The following CNTN5 variants were observed in gnomAD, a reference collection of about 807,000 sequenced individuals.
CNTN5 encodes contactin 5.
In CNTN5, 77 loss-of-function variants were observed where a neutral mutation model predicts 129.1. That is an observed-to-expected ratio of 0.60 (90% CI 0.50 to 0.72). The LOEUF is 0.72. Ranked by LOEUF, CNTN5 falls within the 30% of genes least tolerant of loss-of-function variation. CNTN5 has a pLI of 0.00. For missense variants in CNTN5, 1,478 were observed against 1,328.8 expected, an observed-to-expected ratio of 1.11 and a Z score of -1.75; for synonymous variants, 509 against 465.6, an observed-to-expected ratio of 1.09 and a Z score of -1.20.
intron 1 of CNTN5, among the ~76,000 whole-genome samples, chr11:99,175,497 A>T (rs1857728846): frequency 6.6e-6 from 1 of 152,134 alleles, no homozygotes; most frequent in Non-Finnish European, 1.5e-5. Context: ...AGTGATGAAG[A>T]GATAGTTTTG....
At chr11:99,037,600 A>G (rs1591084923) in intron 1 of CNTN5, among the ~76,000 whole-genome samples, 1 of 83,602 alleles carries the variant, frequency 1.2e-5, no homozygotes, top group South Asian at 3.4e-4. Context: ...TTTTTTTTTA[A>G]CATGGAGTCT....
intron 3 of CNTN5, among the ~76,000 whole-genome samples, chr11:99,778,364 A>G (rs1325601331): frequency 1.3e-5 from 2 of 151,836 alleles, no homozygotes; most frequent in African/African-American, 2.4e-5. Context: ...AACCACAGTT[A>G]AACTGTTTTG....
chr11:100,286,170 G>A (rs1294341567), intron 18 of CNTN5, among the ~76,000 whole-genome samples: 1 of 152,086 alleles, frequency 6.6e-6, no homozygotes, highest in African/African-American at 2.4e-5. Context: ...GTGGCAGCCA[G>A]GCTGGGGGAG....
intron 3 of CNTN5, among the ~76,000 whole-genome samples, chr11:99,755,167 T>G (rs1257609936): frequency 1.3e-5 from 2 of 152,210 alleles, no homozygotes; most frequent in Admixed American, 6.5e-5. Context: ...GTGTTAATTA[T>G]GAATGAAACT....
At chr11:99,424,719 CAGA>C (rs1288881660) in intron 2 of CNTN5, among the ~76,000 whole-genome samples, 1 of 152,244 alleles carries the variant, frequency 6.6e-6, no homozygotes, top group African/African-American at 2.4e-5. Flanking sequence ...TCTGGGCTGC[CAGA>C]AGGACTGCAG....
intron 3 of CNTN5, among the ~76,000 whole-genome samples, chr11:99,567,859 G>A (rs1480805894): frequency 6.6e-6 from 1 of 152,018 alleles, no homozygotes; most frequent in Non-Finnish European, 1.5e-5. Context: ...CTTGTCAGTG[G>A]GCGGTGGGAA....
At chr11:99,309,456 C>A (rs1344317995) in intron 1 of CNTN5, among the ~76,000 whole-genome samples, 1 of 152,226 alleles carries the variant, frequency 6.6e-6, no homozygotes, top group East Asian at 1.9e-4. Flanking sequence ...TCCCTCCCAA[C>A]AACAAAAGAC....
intron 8 of CNTN5, among the ~76,000 whole-genome samples, chr11:99,967,581 A>G (rs1006130040): frequency 1.3e-5 from 2 of 152,182 alleles, no homozygotes; most frequent in Admixed American, 1.3e-4. Context: ...ACCAACTCCA[A>G]AAGGATTTAT....
At chr11:99,236,299 C>A (rs1156385605) in intron 1 of CNTN5, among the ~76,000 whole-genome samples, 1 of 152,060 alleles carries the variant, frequency 6.6e-6, no homozygotes, top group Non-Finnish European at 1.5e-5. Flanking sequence ...TGTTCCCTCT[C>A]TCTAGGAAGG....
At chr11:100,065,551 A>G (rs1943663726) in intron 10 of CNTN5, among the ~76,000 whole-genome samples, 1 of 152,046 alleles carries the variant, frequency 6.6e-6, no homozygotes, top group Admixed American at 6.6e-5. Flanking sequence ...TTCCCATTTG[A>G]CAGACAAGAA....
chr11:100,352,027 T>A (rs1952427595), intron 24 of CNTN5, among the ~76,000 whole-genome samples: 1 of 151,732 alleles, frequency 6.6e-6, no homozygotes, highest in Non-Finnish European at 1.5e-5. Context: ...TTTAACTTTT[T>A]AAGTTCAGGG....
intron 3 of CNTN5, among the ~76,000 whole-genome samples, chr11:99,787,101 GTTTT>G (rs1429867110): frequency 7.0e-6 from 1 of 143,602 alleles, no homozygotes; most frequent in Non-Finnish European, 1.5e-5. Flanking sequence ...TTTTTTTTTT[GTTTT>G]TTATTTATTT....
Position 99,143,102 on chromosome 11 carries a change from T to G in CNTN5, c.-210+121832T>G, listed in dbSNP as rs566315274. Among the ~76,000 whole-genome samples the G allele has an allele frequency of 8.5e-5, 13 of 152,124 alleles. No individual in the cohort carries two copies. The East Asian group carries it at 2.1e-3, about 25-fold the overall frequency. On this transcript the variant is annotated intron_variant, in intron 1 of 24. Transcript: ENST00000524871. The stretch of plus-strand genomic sequence containing the variant: ...TCAGTGAGAGTTCCTTCTGGTTGTG[T>G]CTACTTGGCCATATTGGCTATTTCT...
intron 9 of CNTN5, among the ~76,000 whole-genome samples, chr11:100,060,627 A>G (rs1943425320): frequency 7.1e-6 from 1 of 140,822 alleles, no homozygotes; most frequent in Non-Finnish European, 1.5e-5. Context: ...ACAAAAACAT[A>G]ACAATTTTTT....
intron 2 of CNTN5, among the ~76,000 whole-genome samples, chr11:99,457,679 C>T (rs1020900106): frequency 6.6e-6 from 1 of 151,294 alleles, no homozygotes; most frequent in East Asian, 1.9e-4. Context: ...GTTTAAATAG[C>T]GTTAAGATGT....
At chr11:100,251,254 C>T (rs1591437694) in intron 16 of CNTN5, among the ~76,000 whole-genome samples, 1 of 152,096 alleles carries the variant, frequency 6.6e-6, no homozygotes, top group Non-Finnish European at 1.5e-5. Context: ...TAGATGCTGG[C>T]TGAAGCTGGA....
In CNTN5 at chr11:99,492,764, G is replaced by A. The variant is rs116408632; in HGVS notation, c.-70-63381G>A. On this transcript the variant is annotated intron_variant, in intron 2 of 24. Transcript: ENST00000524871. Reference sequence around the variant, plus strand: ...ATGAAGACTCAAAGAAACAGGAAAAGCTGTATATTTTTATGCTTGGATTTG... The same window carrying A: ...ATGAAGACTCAAAGAAACAGGAAAAACTGTATATTTTTATGCTTGGATTTG... Among the ~76,000 whole-genome samples, 894 of 152,238 alleles carry A rather than the reference G, an allele frequency of 5.9e-3. 11 individuals carry two copies. Among genetic ancestry groups the A allele is most frequent in the African/African-American group, 0.021 (852 of 41,548 alleles).
intron 1 of CNTN5, among the ~76,000 whole-genome samples, chr11:99,082,316 C>A (rs1865835925): frequency 6.6e-6 from 1 of 151,762 alleles, no homozygotes; most frequent in African/African-American, 2.4e-5. Context: ...CTGTGAGTAG[C>A]TGGGACTACA....
At chr11:99,898,704 A>AT (rs200286726) in intron 6 of CNTN5, among the ~76,000 whole-genome samples, 287 of 151,098 alleles carry the variant, frequency 1.9e-3, no homozygotes, top group Non-Finnish European at 2.5e-3. Flanking sequence ...GACTACCGTG[A>AT]TTTTTTTTTC....
Sources: allele counts gnomAD v4.1 joint callset (sites outside exome capture counted in the v4.1 genomes callset), GRCh38; gene constraint gnomAD v4.1.1; transcripts MANE v1.5; gene names NCBI Gene and HGNC (gene_info 2026-07-23, HGNC 2026-07-21).